The following MTERF4 variants were observed in gnomAD, a reference collection of about 807,000 sequenced individuals.
The protein encoded by MTERF4 is transcription termination factor 4, mitochondrial.
In MTERF4, 17 loss-of-function variants were observed where a neutral mutation model predicts 22.5. The observed-to-expected ratio is 0.75, with a 90% CI of 0.52 to 1.13. The LOEUF (loss-of-function observed/expected upper bound fraction) is 1.13. MTERF4 is among the 50% of genes most tolerant of loss of function. The pLI, the probability that MTERF4 is intolerant of heterozygous loss-of-function variation, is 0.00. For synonymous variants in MTERF4, 165 were observed against 175.3 expected (o/e 0.94, Z 0.47); for missense variants, 420 against 466.8 (o/e 0.90, Z 0.92).
chr2:241,085,691 C>A (rs749517228), downstream of MTERF4, among the ~76,000 whole-genome samples: 1 of 150,970 alleles, frequency 6.6e-6, no homozygotes, highest in African/African-American at 2.5e-5. Flanking sequence ...ATGTTACTGA[C>A]GCTGGATTTG....
chr2:241,050,530 G>C, the MTERF4 span, among the ~76,000 whole-genome samples: 1 of 152,152 alleles, frequency 6.6e-6, no homozygotes, highest in Non-Finnish European at 1.5e-5. Flanking sequence ...CACCCCCGCA[G>C]CCTGGACTGG....
chr2:241,076,601 C>T (rs994665479), intron 4 of MTERF4, among the ~76,000 whole-genome samples: 1 of 152,192 alleles, frequency 6.6e-6, no homozygotes, highest in Non-Finnish European at 1.5e-5. Flanking sequence ...CCTGCTCACA[C>T]CTGTAATCCC....
downstream of MTERF4, chr2:241,070,259 G>C: frequency 6.6e-7 from 1 of 1,517,498 alleles, no homozygotes. Flanking sequence ...CCTCCACCCT[G>C]TTCAGGACTG....
rs1221314212 is a variant in MTERF4 at position 241,102,159 on chromosome 2, C to T, written c.21+94G>A. ...ACGGACCTCCGGGAGGGCTCCACGA[C>T]CTGGCCGTGAAACACTCGGCGGCCG... On this transcript the variant is annotated intron_variant, in intron 1 of 3. Transcript: ENST00000391980. 9.1e-6 allele frequency: 14 copies of T among 1,530,690 alleles called. No individual in the cohort carries two copies. The African/African-American group carries it at 1.9e-4, about 21-fold the overall frequency. 94.8% of individuals were successfully genotyped at this position (1,530,690 alleles called of 1,614,324 possible).
At chr2:241,048,550 G>A in the MTERF4 span, 102 of 1,489,540 alleles carry the variant, frequency 6.8e-5, no homozygotes, top group Non-Finnish European at 8.3e-5. Flanking sequence ...GTGTGAGTGC[G>A]CGTCCACTGC....
downstream of MTERF4, chr2:241,071,700 G>C: frequency 2.0e-6 from 3 of 1,502,358 alleles, no homozygotes; most frequent in East Asian, 2.5e-5. Flanking sequence ...GCGCCCCCGA[G>C]ACCCCCACCC....
chr2:241,070,158 C>T (rs770696810), downstream of MTERF4: 85 of 1,605,270 alleles, frequency 5.3e-5, no homozygotes, highest in Admixed American at 6.2e-4. Context: ...GCACGGAGCT[C>T]GGGCCGCAGC....
At chr2:241,065,645 G>A in the MTERF4 span, 3 of 1,532,576 alleles carry the variant, frequency 2.0e-6, no homozygotes, top group Non-Finnish European at 2.7e-6. Context: ...GCCCCTCGAG[G>A]GCAGCGCTGG....
exon 5 of MTERF4, chr2:241,074,213 A>G (rs35143206): frequency 0.23 from 34,246 of 152,008 alleles, 4,168 homozygotes; most frequent in Middle Eastern, 0.31. Flanking sequence ...TCTCAAGGAC[A>G]TGTGTACACA....
downstream of MTERF4, chr2:241,090,000 A>C (rs1220801700): frequency 6.5e-7 from 1 of 1,549,432 alleles, no homozygotes; most frequent in South Asian, 1.2e-5. Flanking sequence ...CGCTTAGCGT[A>C]GCTGGAATGC....
the MTERF4 span, among the ~76,000 whole-genome samples, chr2:241,043,745 T>C: frequency 7.5e-4 from 114 of 152,358 alleles, 1 homozygote; most frequent in East Asian, 0.019. Context: ...GTAAATACTT[T>C]TGGCTTTGTG....
downstream of MTERF4, chr2:241,093,486 G>C (rs2064181761): frequency 8.8e-6 from 1 of 114,050 alleles, no homozygotes; most frequent in Non-Finnish European, 1.6e-5. Context: ...ACTGGCTCCT[G>C]AGTCCCAAGC....
At chr2:241,057,703 ATAAACT>A in the MTERF4 span, among the ~76,000 whole-genome samples, 4 of 152,232 alleles carry the variant, frequency 2.6e-5, no homozygotes, top group South Asian at 4.1e-4. Flanking sequence ...AAATTAAGAA[ATAAACT>A]TAATACCTAA....
At chr2:241,100,743 G>A (rs2064667886) in intron 1 of MTERF4, among the ~76,000 whole-genome samples, 2 of 152,164 alleles carry the variant, frequency 1.3e-5, no homozygotes, top group Non-Finnish European at 2.9e-5. Flanking sequence ...TACAAGATAT[G>A]TGTTAACTGT....
the MTERF4 span, chr2:241,048,653 T>C: frequency 6.2e-7 from 1 of 1,602,796 alleles, no homozygotes; most frequent in African/African-American, 1.3e-5. Context: ...CTCCCTCTCT[T>C]CGTGGCAGGA....
rs748523501 is a variant in MTERF4 at position 241,097,338 on chromosome 2, TCTC to T, written c.607_609del (p.Glu203del). 7 of 1,614,026 alleles carry T rather than the reference TCTC, an allele frequency of 4.3e-6. No homozygotes were observed. The Admixed American group carries it at 5.0e-5, about 12-fold the overall frequency. ...ACTTGCTGTACCGTGAAAAGGCACT[TCTC>T]CTTGAGAAGCCTGACAGTGTCGTTA... is the stretch of plus-strand genomic sequence containing the variant. On this transcript the variant is annotated inframe_deletion, in exon 3 of 4. Coordinates refer to ENST00000391980, the MANE Select transcript of MTERF4 (RefSeq NM_182501.4).
At chr2:241,047,934 G>C in the MTERF4 span, among the ~76,000 whole-genome samples, 1 of 151,130 alleles carries the variant, frequency 6.6e-6, no homozygotes, top group African/African-American at 2.4e-5. Context: ...CCAATCCTGG[G>C]TGGTCTCTCT....
At chr2:241,062,469 G>A in the MTERF4 span, among the ~76,000 whole-genome samples, 1 of 152,172 alleles carries the variant, frequency 6.6e-6, no homozygotes, top group Non-Finnish European at 1.5e-5. Context: ...ATGGCAAGAT[G>A]GGACATGAGA....
chr2:241,069,288 A>G (rs2062598914), downstream of MTERF4, among the ~76,000 whole-genome samples: 1 of 152,126 alleles, frequency 6.6e-6, no homozygotes, highest in Non-Finnish European at 1.5e-5. The surrounding 1 kb of genome is among the most constrained non-coding windows in gnomAD (Gnocchi z 4.9). Flanking sequence ...CTGGACACCG[A>G]CCAGAGGGCC....
Sources: allele counts gnomAD v4.1 joint callset (sites outside exome capture counted in the v4.1 genomes callset), GRCh38; gene constraint gnomAD v4.1.1; non-coding constraint Gnocchi (gnomAD v3.1); transcripts MANE v1.5; gene names NCBI Gene and HGNC (gene_info 2026-07-23, HGNC 2026-07-21).